Variants in FAT3 observed in about 807,000 individuals in gnomAD.
The protein encoded by FAT3 is FAT atypical cadherin 3.
In FAT3, 95 loss-of-function variants were observed where a neutral mutation model predicts 310.2. That is an observed-to-expected ratio of 0.31 (90% CI 0.26 to 0.36). The LOEUF is 0.36. Among genes scored for constraint, FAT3 ranks in the 10% least tolerant of loss-of-function variants. FAT3 has a pLI of 1.00. For synonymous variants in FAT3, 2,314 were observed against 2,192.9 expected, an observed-to-expected ratio of 1.06 and a Z score of -1.54; for missense variants, 5,408 against 5,715.6, an observed-to-expected ratio of 0.95 and a Z score of 1.74.
chr11:92,607,352 A>G (rs138816150), intron 3 of FAT3, among the ~76,000 whole-genome samples: 74 of 152,320 alleles, frequency 4.9e-4, no homozygotes, highest in African/African-American at 1.7e-3. Context: ...AAAGTCATGC[A>G]GTTAGTGGAC....
At position 92,790,471 on chromosome 11, in the gene FAT3, A is replaced by C. The variant is rs1260653666; in HGVS notation, c.4611+253A>C. On this transcript the variant is annotated intron_variant, in intron 8 of 27. Transcript: ENST00000525166. Reference sequence around the variant, plus strand: ...GCAATGGCTGCTCAGTAAATGCTCCAAACAGACTGACTTGAGAGGGAAGGA... The same window carrying C: ...GCAATGGCTGCTCAGTAAATGCTCCCAACAGACTGACTTGAGAGGGAAGGA... Among the ~76,000 whole-genome samples the C allele has an allele frequency of 9.2e-5, 14 of 152,366 alleles. 1 individual carries two copies. Among genetic ancestry groups the C allele is most frequent in the Admixed American group, 3.9e-4 (6 of 15,300 alleles).
intron 2 of FAT3, among the ~76,000 whole-genome samples, chr11:92,388,014 A>G (rs1478995631): frequency 1.3e-5 from 2 of 152,176 alleles, no homozygotes; most frequent in African/African-American, 4.8e-5. Context: ...ACTTAATCTG[A>G]GCTACTAATT....
chr11:92,810,019 G>A lies in FAT3; in HGVS notation c.9424G>A (p.Glu3142Lys). Residue 3142 changes from glutamate to lysine, a missense_variant, in exon 13 of 28, where the codon GAG becomes AAG. By Grantham distance (56) the Glu-to-Lys change is moderately conservative (BLOSUM62 1). Transcript: ENST00000525166. ...TGACCACTACAACACCTGTGTCTAT[G>A]AGAACACAGCCACCAAGGCTCTGTT... ...SSDHYNTCVY[E>K]NTATKALLTR... 1 of 1,613,924 alleles carries A rather than the reference G, an allele frequency of 6.2e-7. No homozygotes were observed. The highest frequency in any genetic ancestry group is 8.5e-7 in the Non-Finnish European group (1 of 1,179,860).
chr11:92,442,270 C>T (rs1051716815), intron 2 of FAT3, among the ~76,000 whole-genome samples: 5 of 148,872 alleles, frequency 3.4e-5, no homozygotes, highest in Middle Eastern at 7.0e-3. Context: ...CCCGCCACCA[C>T]GCCCGGCTAA....
intron 3 of FAT3, among the ~76,000 whole-genome samples, chr11:92,570,438 A>G (rs1228531059): frequency 2.0e-5 from 3 of 152,184 alleles, no homozygotes; most frequent in Non-Finnish European, 4.4e-5. Context: ...AGAAATGTTC[A>G]TGAAGTTTTG....
chr11:92,772,609 T>C (rs1946487638), intron 6 of FAT3, among the ~76,000 whole-genome samples: 3 of 152,162 alleles, frequency 2.0e-5, no homozygotes. Flanking sequence ...GATGAGTCTC[T>C]TTTTAGATGA....
chr11:92,367,507 C>T (rs537862431), intron 2 of FAT3, among the ~76,000 whole-genome samples: 85 of 151,858 alleles, frequency 5.6e-4, no homozygotes, highest in Non-Finnish European at 1.1e-3. Context: ...ACCTGCAGTC[C>T]CAGCTAGTGG....
chr11:92,351,935 A>C (rs549156777), intron 1 of FAT3, among the ~76,000 whole-genome samples, 161 bp from the exon 2 acceptor site: 3 of 152,220 alleles, frequency 2.0e-5, no homozygotes, highest in African/African-American at 7.2e-5. Flanking sequence ...CTTATTACCT[A>C]GTAGTGGCAA....
intron 4 of FAT3, among the ~76,000 whole-genome samples, chr11:92,747,765 C>CA (rs1318273683): frequency 6.6e-6 from 1 of 152,172 alleles, no homozygotes; most frequent in African/African-American, 2.4e-5. Context: ...AGGGCAGGGA[C>CA]AAAATGCCAC....
In FAT3 at chr11:92,882,579, T is replaced by TCCCC. The variant is rs370925383; in HGVS notation, c.12282-157_12282-154dup. Among the ~76,000 whole-genome samples, 354 of 80,186 alleles carry TCCCC rather than the reference T, an allele frequency of 4.4e-3. 4 individuals carry two copies. Among genetic ancestry groups the TCCCC allele is most frequent in the African/African-American group, 0.01 (178 of 17,252 alleles). 52.6% of individuals were successfully genotyped at this position (80,186 alleles called of 152,430 possible). ...TGGCCACAGAAATGCCTAAATTAAC[T>TCCCC]CCCCCTCCCCCCCCCCACCAACCAT... On this transcript the variant is annotated intron_variant, in intron 23 of 27. Coordinates refer to ENST00000525166, the MANE Select transcript of FAT3 (RefSeq NM_001367949.2).
intron 5 of FAT3, among the ~76,000 whole-genome samples, chr11:92,763,579 A>T (rs1039560076): frequency 9.2e-5 from 14 of 152,136 alleles, no homozygotes; most frequent in Non-Finnish European, 1.5e-5. Context: ...GAGAGTCTAC[A>T]TTCCCAGCCT....
intron 3 of FAT3, among the ~76,000 whole-genome samples, chr11:92,688,916 G>A (rs552153660): frequency 6.6e-6 from 1 of 152,262 alleles, no homozygotes; most frequent in African/African-American, 2.4e-5. Context: ...ATGACAGAGT[G>A]AGTATTAAAT....
At chr11:92,645,138 A>G (rs1335974903) in intron 3 of FAT3, among the ~76,000 whole-genome samples, 1 of 152,228 alleles carries the variant, frequency 6.6e-6, no homozygotes, top group Non-Finnish European at 1.5e-5. Context: ...TGCGAATACC[A>G]AATGTAAGAT....
At position 92,880,495 on chromosome 11, in the gene FAT3, C is replaced by G. The variant is rs557037024; in HGVS notation, c.12128-236C>G. 2.7e-4 allele frequency among the ~76,000 whole-genome samples: 41 copies of G among 151,992 alleles called. No individual in the cohort carries two copies. In the East Asian group the frequency reaches 7.0e-3, roughly 26 times the overall value. On this transcript the variant is annotated intron_variant, in intron 22 of 27. Transcript: ENST00000525166. The stretch of plus-strand genomic sequence containing the variant: ...GGGTGGGTCTTACAGTTCTCACTAG[C>G]ATTCATGTATGTGGTTAATTAGGTG...
chr11:92,230,557 G>C (rs1445970844), intron 1 of FAT3, among the ~76,000 whole-genome samples: 1 of 152,134 alleles, frequency 6.6e-6, no homozygotes, highest in Admixed American at 6.5e-5. Flanking sequence ...GCCTCCCAAA[G>C]TGCTCGGATT....
In FAT3 at chr11:92,876,083, T is replaced by G. The variant is rs560149672; in HGVS notation, c.12128-4648T>G. On this transcript the variant is annotated intron_variant, in intron 22 of 27. Transcript: ENST00000525166. ...CCAGGTGCTTCTGATGTAGTTTTAT[T>G]TAAGAAACTGTCAGAGGCTTGCCAA... Among the ~76,000 whole-genome samples the G allele has an allele frequency of 2.0e-5, 3 of 152,218 alleles. No homozygotes were observed. In the South Asian group the frequency reaches 6.2e-4, roughly 32 times the overall value.
In FAT3 at chr11:92,682,735, C is replaced by G. The variant is rs184422255; in HGVS notation, c.3608-14649C>G. Among the ~76,000 whole-genome samples, 536 of 152,246 alleles carry G rather than the reference C, an allele frequency of 3.5e-3. 5 individuals are homozygous for G. The highest frequency in any genetic ancestry group is 0.012 in the African/African-American group (503 of 41,538). On this transcript the variant is annotated intron_variant, in intron 3 of 27. Coordinates refer to ENST00000525166, the MANE Select transcript of FAT3 (RefSeq NM_001367949.2). ...CAAACGGGGATGGTTGGTCACCCAACAAATGTGTTCTGAGAGGAGGACAAG... is the reference window on the plus strand; with the variant it reads ...CAAACGGGGATGGTTGGTCACCCAAGAAATGTGTTCTGAGAGGAGGACAAG...
chr11:92,360,049 C>T (rs898424804), intron 2 of FAT3, among the ~76,000 whole-genome samples: 10 of 152,098 alleles, frequency 6.6e-5, no homozygotes, highest in Middle Eastern at 3.4e-3. Flanking sequence ...CCTGAGGAAT[C>T]GCTACACTGA....
rs753130799 is a variant in FAT3 at position 92,880,829 on chromosome 11, G to T, written c.12226G>T (p.Asp4076Tyr). 1 of 1,613,934 alleles carries T rather than the reference G, an allele frequency of 6.2e-7. No individual in the cohort carries two copies. The highest frequency in any genetic ancestry group is 2.2e-5 in the East Asian group (1 of 44,874). The change falls in exon 23 of 28, where the codon GAT (aspartate) becomes TAT (tyrosine). Residue 4076 changes from aspartate to tyrosine, a missense_variant. Around this residue, in one of 5 missense-constraint regions of FAT3, gnomAD observed 649 missense variants for 666.2 expected, o/e 0.97. Transcript: ENST00000525166. ...CCCCTGCCGGAATGGAGGATCCTGC[G>T]ATCCAATAGGAAACACTTTCATCTG... is the stretch of plus-strand genomic sequence containing the variant. ...PNPCRNGGSC[D>Y]PIGNTFICNC...
Sources: gnomAD v4.1 joint callset for allele counts (sites outside exome capture counted in the v4.1 genomes callset) on GRCh38, gnomAD v4.1.1 for gene constraint, gnomAD v4.1.1 regional missense constraint, MANE v1.5 for transcripts, NCBI Gene and HGNC (gene_info 2026-07-23, HGNC 2026-07-21) for gene names.